PRKCH: variants seen among roughly 807,000 people sequenced by gnomAD.
PRKCH encodes protein kinase C eta type.
Under a neutral mutation model 82.5 loss-of-function variants are expected in PRKCH, and 28 were observed. The ratio of observed to expected loss-of-function variants is 0.34; its 90% CI spans 0.25 to 0.47. The LOEUF (loss-of-function observed/expected upper bound fraction) is 0.47, where lower values mean the gene tolerates loss of function less well. Among genes scored for constraint, PRKCH ranks in the 20% least tolerant of loss-of-function variants. The pLI is 1.00. For missense variants in PRKCH, 705 were observed against 881.8 expected, an observed-to-expected ratio of 0.80 and a Z score of 2.54; for synonymous variants, 322 against 327.4, an observed-to-expected ratio of 0.98 and a Z score of 0.18.
At chr14:61,419,917 A>C (rs1027012345) in intron 2 of PRKCH, among the ~76,000 whole-genome samples, 1 of 152,198 alleles carries the variant, frequency 6.6e-6, no homozygotes, top group Non-Finnish European at 1.5e-5. Flanking sequence ...TTTGGCTACC[A>C]CAATTTGCCC....
intron 1 of PRKCH, among the ~76,000 whole-genome samples, chr14:61,200,767 G>A (rs200332023): frequency 1.3e-5 from 2 of 151,764 alleles, no homozygotes; most frequent in African/African-American, 4.8e-5. Flanking sequence ...ATATTGTTAA[G>A]TGTTCTATTT....
At chr14:61,258,413 T>C (rs1047847489) in intron 1 of PRKCH, among the ~76,000 whole-genome samples, 3 of 152,222 alleles carry the variant, frequency 2.0e-5, no homozygotes, top group African/African-American at 7.2e-5. Context: ...ATTTTCATTA[T>C]ACAAAGTTGC....
chr14:61,296,574 CA>C (rs2045408098), intron 1 of PRKCH, among the ~76,000 whole-genome samples: 1 of 152,168 alleles, frequency 6.6e-6, no homozygotes, highest in East Asian at 1.9e-4. Flanking sequence ...TCAGTAGCCC[CA>C]TAATCTCCTC....
intron 1 of PRKCH, among the ~76,000 whole-genome samples, chr14:61,210,116 ATATATATATATATAT>A (rs2044560016): frequency 2.2e-4 from 3 of 13,560 alleles, no homozygotes; most frequent in Non-Finnish European, 3.7e-4. Context: ...AAACAAATAT[ATATATATATATATAT>A]ATATATATAT....
At chr14:61,340,022 G>C (rs2045912103) in intron 1 of PRKCH, among the ~76,000 whole-genome samples, 1 of 151,898 alleles carries the variant, frequency 6.6e-6, no homozygotes, top group Admixed American at 6.6e-5. Context: ...ATCTTTCTGA[G>C]CACTCAGCCT....
chr14:61,425,852 G>GA (rs892980654), intron 2 of PRKCH, among the ~76,000 whole-genome samples: 15 of 152,118 alleles, frequency 9.9e-5, no homozygotes, highest in African/African-American at 3.6e-4. Context: ...ATCATGGGGG[G>GA]TGGTTTCGTC....
intron 1 of PRKCH, among the ~76,000 whole-genome samples, chr14:61,193,350 A>G (rs1415426350): frequency 6.6e-6 from 1 of 152,226 alleles, no homozygotes; most frequent in African/African-American, 2.4e-5. Flanking sequence ...TTGGCAAGAC[A>G]TTAATTACAA....
At chr14:61,283,285 A>C (rs1340022717) in intron 1 of PRKCH, among the ~76,000 whole-genome samples, 2 of 152,200 alleles carry the variant, frequency 1.3e-5, no homozygotes, top group Non-Finnish European at 2.9e-5. Context: ...TGGATGGCCT[A>C]AAGGTACTAG....
rs547837985 is a variant in PRKCH at position 61,224,338 on chromosome 14, CA to C, written c.-19+36672del. ...TTATATGGTCATTGTGCATTTGTCA[CA>C]ACTAAGAAGGAAGCACTGACTAGTA... is the stretch of plus-strand genomic sequence containing the variant. On this transcript the variant is annotated intron_variant, in intron 1 of 3. Coordinates refer to the PRKCH transcript ENST00000555185. Among the ~76,000 whole-genome samples the C allele has an allele frequency of 8.6e-4, 131 of 152,348 alleles. 1 individual carries two copies. The highest frequency in any genetic ancestry group is 2.7e-3 in the South Asian group (13 of 4,822).
chr14:61,352,893 G>C (rs775224610), intron 1 of PRKCH, among the ~76,000 whole-genome samples: 5 of 152,228 alleles, frequency 3.3e-5, no homozygotes, highest in East Asian at 1.9e-4. Flanking sequence ...TCTGAATTCA[G>C]GATTTTTTCA....
chr14:61,495,241 C>T (rs929265665), intron 10 of PRKCH, among the ~76,000 whole-genome samples: 2 of 152,220 alleles, frequency 1.3e-5, no homozygotes, highest in African/African-American at 2.4e-5. Flanking sequence ...ACACCTTGAT[C>T]ATTTTTCTGT....
chr14:61,280,497 C>G lies in PRKCH; in HGVS notation c.-19+92829C>G. 1 of 1,612,884 alleles carries G rather than the reference C, an allele frequency of 6.2e-7. No individual in the cohort carries two copies. On this transcript the variant is annotated intron_variant, in intron 1 of 3. Transcript: ENST00000555185. The surrounding 1 kb of genome is among the most constrained non-coding windows in gnomAD (Gnocchi z 5.0). ...GGGGCGCCGTGCCCTGGAAGGCCAA[C>G]GCCAGGCTGCCGTTGACCAGCGGCG...
chr14:61,493,721 T>G (rs1311828375), intron 10 of PRKCH, among the ~76,000 whole-genome samples: 1 of 151,316 alleles, frequency 6.6e-6, no homozygotes, highest in Non-Finnish European at 1.5e-5. Flanking sequence ...TACGTGCGGG[T>G]GGGGGGCATG....
intron 13 of PRKCH, among the ~76,000 whole-genome samples, chr14:61,548,861 C>CAA (rs11424840): frequency 0.056 from 7,239 of 128,410 alleles, 383 homozygotes; most frequent in African/African-American, 0.13. Flanking sequence ...GACTTTGTCT[C>CAA]AAAAAAAAAA....
rs1884838413 is a variant in PRKCH, at chr14:61,457,629, G to A, written c.1228G>A (p.Ala410Thr). The change falls in exon 9 of 14, where the codon GCC becomes ACC. Residue 410 changes from alanine (A) to threonine (T), a missense_variant. This residue lies in a region of PRKCH where 238 missense variants were observed against 258.1 expected (regional missense o/e 0.92). Transcript: ENST00000332981. Reference protein sequence around the residue: ...TMTEKRILSLARNHPFLTQLF... With the variant: ...TMTEKRILSLTRNHPFLTQLF... ...GACCGAGAAAAGGATCCTGTCTCTG[G>A]CCCGCAATCACCCCTTCCTCACTCA... is the stretch of plus-strand genomic sequence containing the variant. 6.2e-7 allele frequency: 1 copy of A among 1,613,986 alleles called. No homozygotes were observed. The highest frequency in any genetic ancestry group is 8.5e-7 in the Non-Finnish European group (1 of 1,180,026).
At chr14:61,492,017 G>T (rs188563164) in intron 10 of PRKCH, among the ~76,000 whole-genome samples, 1 of 152,282 alleles carries the variant, frequency 6.6e-6, no homozygotes, top group East Asian at 1.9e-4. Context: ...AGTGACTCTT[G>T]GGCTGAGGTC....
In PRKCH at chr14:61,454,227, C is replaced by T. The variant is rs78915556; in HGVS notation, c.960+874C>T. Among the ~76,000 whole-genome samples, 2,849 of 152,056 alleles carry T rather than the reference C, an allele frequency of 0.019. 190 individuals are homozygous for T. In the East Asian group the frequency reaches 0.26, roughly 14 times the overall value. ...CAAGCAATTCTCCTGCCTCAGCCTC[C>T]CGAGCAGCTGGAATTACAGGTGCCC... On this transcript the variant is annotated intron_variant, in intron 7 of 13. Transcript: ENST00000332981.
At chr14:61,371,817 G>C (rs189275681) in intron 1 of PRKCH, among the ~76,000 whole-genome samples, 7 of 152,120 alleles carry the variant, frequency 4.6e-5, no homozygotes, top group African/African-American at 1.4e-4. Flanking sequence ...GGAGAATTAT[G>C]CTCTACCTCC....
intron 1 of PRKCH, among the ~76,000 whole-genome samples, chr14:61,352,489 C>T (rs1334916919): frequency 6.6e-6 from 1 of 151,810 alleles, no homozygotes; most frequent in East Asian, 1.9e-4. Flanking sequence ...ATGGTGAAAC[C>T]CTGTCTCTAC....
Sources: gnomAD v4.1 joint callset for allele counts (sites outside exome capture counted in the v4.1 genomes callset) on GRCh38, gnomAD v4.1.1 for gene constraint, gnomAD v4.1.1 regional missense constraint, Gnocchi (gnomAD v3.1) non-coding constraint, MANE v1.5 for transcripts, NCBI Gene and HGNC (gene_info 2026-07-23, HGNC 2026-07-21) for gene names.